Variants in GRB10 observed in about 807,000 individuals in gnomAD.
GRB10 encodes the protein growth factor receptor-bound protein 10.
In GRB10, 20 loss-of-function variants were observed where a neutral mutation model predicts 80.9. That is an observed-to-expected ratio of 0.25 (90% CI 0.17 to 0.36). GRB10 has a LOEUF of 0.36. Among genes scored for constraint, GRB10 ranks in the 10% least tolerant of loss-of-function variants. The probability of loss-of-function intolerance (pLI) is 1.00; values close to 1 mark genes in which losing one functional copy is unlikely to be tolerated. For missense variants in GRB10, 548 were observed against 747.7 expected, an observed-to-expected ratio of 0.73 and a Z score of 3.12; for synonymous variants, 291 against 291.5, an observed-to-expected ratio of 1.00 and a Z score of 0.02.
intron 7 of GRB10, among the ~76,000 whole-genome samples, chr7:50,651,285 G>C (rs1438038117): frequency 6.6e-6 from 1 of 152,210 alleles, no homozygotes; most frequent in Non-Finnish European, 1.5e-5. Context: ...CAAGATGCGA[G>C]CAGGTCTGAT....
At chr7:50,785,338 G>A (rs145003157), upstream of GRB10, among the ~76,000 whole-genome samples, 7 of 152,196 alleles carry the variant, frequency 4.6e-5, no homozygotes, top group East Asian at 1.3e-3. Context: ...AATTGCATGG[G>A]ACAAACACTT....
At chr7:50,727,045 A>C (rs977376004) in intron 4 of GRB10, 11 of 152,256 alleles carry the variant, frequency 7.2e-5, no homozygotes, top group African/African-American at 2.7e-4. Context: ...CATGATGACC[A>C]GCATATAGTA....
chr7:50,693,709 G>A (rs970936758), intron 5 of GRB10, among the ~76,000 whole-genome samples: 3 of 152,058 alleles, frequency 2.0e-5, no homozygotes, highest in Non-Finnish European at 4.4e-5. Context: ...TTCTCCAGAC[G>A]GAACAAAGGC....
intron 4 of GRB10, chr7:50,705,422 C>T (rs949572366): frequency 1.0e-5 from 4 of 395,264 alleles, no homozygotes; most frequent in African/African-American, 8.7e-5. Flanking sequence ...GCTTTCTTTT[C>T]ATTTTTTAAT....
intron 7 of GRB10, among the ~76,000 whole-genome samples, chr7:50,633,761 A>G (rs1488064363): frequency 6.6e-6 from 1 of 152,206 alleles, no homozygotes. Context: ...GAATTTCAAA[A>G]AACAGTTGAA....
intron 4 of GRB10, among the ~76,000 whole-genome samples, chr7:50,711,842 G>T (rs1346142639): frequency 6.6e-6 from 1 of 152,272 alleles, no homozygotes; most frequent in East Asian, 1.9e-4. Flanking sequence ...ACCAGGTACG[G>T]TGCTAGACAG....
chr7:50,624,100 G>A (rs1006964624), intron 8 of GRB10, among the ~76,000 whole-genome samples: 4 of 152,154 alleles, frequency 2.6e-5, no homozygotes, highest in African/African-American at 4.8e-5. Flanking sequence ...AATTATGGGG[G>A]GGTTGGGTTA....
At chr7:50,777,505 C>T (rs2077803549) in intron 2 of GRB10, among the ~76,000 whole-genome samples, 1 of 150,280 alleles carries the variant, frequency 6.7e-6, no homozygotes, top group South Asian at 2.1e-4. Flanking sequence ...GAATTATATA[C>T]TTCAAATTTA....
Position 50,756,044 on chromosome 7 carries a change from G to A in GRB10, c.-204C>T, listed in dbSNP as rs1161787558. 3 of 398,570 alleles carry A rather than the reference G, an allele frequency of 7.5e-6. No homozygotes were observed. Among genetic ancestry groups the A allele is most frequent in the Non-Finnish European group, 1.3e-5 (3 of 226,124 alleles). 24.7% of individuals were successfully genotyped at this position (398,570 alleles called of 1,614,324 possible). ...CTGCTGCTTCCTGCTCAGCATTGTG[G>A]TCAGCGCCAAAGCTGGAAAGTCAAA... is the stretch of plus-strand genomic sequence containing the variant. On this transcript the variant is annotated 5_prime_UTR_variant, in exon 3 of 19. Coordinates refer to ENST00000401949, the MANE Select transcript of GRB10 (RefSeq NM_001350814.2).
At chr7:50,732,102 C>T (rs1456557956) in intron 4 of GRB10, among the ~76,000 whole-genome samples, 170 bp downstream of exon 4, 1 of 152,226 alleles carries the variant, frequency 6.6e-6, no homozygotes, top group Non-Finnish European at 1.5e-5. Flanking sequence ...AAGACCGAGG[C>T]AGAAAGGGCA....
intron 2 of GRB10, among the ~76,000 whole-genome samples, chr7:50,780,426 T>C (rs542016760): frequency 6.6e-6 from 1 of 152,194 alleles, no homozygotes; most frequent in Admixed American, 6.5e-5. Flanking sequence ...ATTCTGCCCT[T>C]GACCCTTCAG....
chr7:50,592,878 TTCACCAACGCA>T lies in GRB10; in HGVS notation c.*63_*73del. 6.5e-7 allele frequency: 1 copy of T among 1,534,072 alleles called. No homozygotes were observed. The highest frequency in any genetic ancestry group is 1.1e-5 in the South Asian group (1 of 89,264). On this transcript the variant is annotated 3_prime_UTR_variant, in exon 19 of 19. Transcript: ENST00000401949. ...CCAGGTGCAGAATCGATGTGTGTTC[TTCACCAACGCA>T]CAGACCGCTTCTTCACTCCAGTGTT...
chr7:50,663,868 G>A (rs749604625), intron 7 of GRB10, among the ~76,000 whole-genome samples: 9 of 152,210 alleles, frequency 5.9e-5, no homozygotes, highest in Non-Finnish European at 1.3e-4. Context: ...GAGTCACCTC[G>A]CAGGATGCCA....
At chr7:50,739,427 T>C (rs1182554964) in intron 3 of GRB10, among the ~76,000 whole-genome samples, 1 of 152,180 alleles carries the variant, frequency 6.6e-6, no homozygotes, top group Non-Finnish European at 1.5e-5. Flanking sequence ...TCTGAAAAGA[T>C]AGTCAAATAG....
intron 6 of GRB10, among the ~76,000 whole-genome samples, chr7:50,672,360 G>A (rs928318520): frequency 8.5e-5 from 13 of 152,178 alleles, no homozygotes; most frequent in African/African-American, 2.7e-4. Context: ...GCCTCCCTCC[G>A]AGGGCACTGA....
At chr7:50,691,696 G>A (rs1160104661) in intron 5 of GRB10, among the ~76,000 whole-genome samples, 1 of 152,142 alleles carries the variant, frequency 6.6e-6, no homozygotes, top group Non-Finnish European at 1.5e-5. Flanking sequence ...CCATAAGGCA[G>A]AAATAAAATA....
At chr7:50,722,435 T>C (rs951811020) in intron 4 of GRB10, among the ~76,000 whole-genome samples, 3 of 152,214 alleles carry the variant, frequency 2.0e-5, no homozygotes, top group African/African-American at 7.2e-5. Context: ...TGTAGTCCCA[T>C]GAGCTTGCAG....
At chr7:50,722,806 C>T (rs1587486489) in intron 4 of GRB10, among the ~76,000 whole-genome samples, 1 of 152,302 alleles carries the variant, frequency 6.6e-6, no homozygotes, top group East Asian at 1.9e-4. Context: ...TCCTCAGAAG[C>T]TGCCCTCAAT....
At chr7:50,724,142 A>G (rs1476677000) in intron 4 of GRB10, among the ~76,000 whole-genome samples, 1 of 152,194 alleles carries the variant, frequency 6.6e-6, no homozygotes, top group Non-Finnish European at 1.5e-5. Flanking sequence ...CCAAGGCCAC[A>G]ATGGGTCATA....
Sources: allele counts gnomAD v4.1 joint callset (sites outside exome capture counted in the v4.1 genomes callset), GRCh38; gene constraint gnomAD v4.1.1; transcripts MANE v1.5; gene names NCBI Gene and HGNC (gene_info 2026-07-23, HGNC 2026-07-21).